The following EXOC1L variants were observed in gnomAD, a reference collection of about 807,000 sequenced individuals.
EXOC1L encodes the protein exocyst complex component 1-like.
EXOC1L carries 10 observed loss-of-function variants against 4.9 expected under a neutral mutation model. That is an observed-to-expected ratio of 2.02 (90% CI 1.25 to 3.43). The LOEUF (loss-of-function observed/expected upper bound fraction) is 3.43, where lower values mean the gene tolerates loss of function less well. Ranked by LOEUF, EXOC1L falls within the 30% of genes most tolerant of loss-of-function variation. The probability of loss-of-function intolerance (pLI) is 0.00; values close to 1 mark genes in which losing one functional copy is unlikely to be tolerated. For synonymous variants in EXOC1L, 41 were observed against 20.8 expected (o/e 1.97, Z -2.63); for missense variants, 114 against 59.4 (o/e 1.92, Z -3.02).
intron 1 of EXOC1L, among the ~76,000 whole-genome samples, chr4:55,829,154 A>T (rs1719961834): frequency 6.6e-6 from 1 of 152,168 alleles, no homozygotes; most frequent in Admixed American, 6.5e-5. Context: ...TTTATCCATG[A>T]CCCACATCCC....
chr4:55,831,857 AC>A (rs1160178758), intron 2 of EXOC1L, among the ~76,000 whole-genome samples: 1 of 152,042 alleles, frequency 6.6e-6, no homozygotes, highest in African/African-American at 2.4e-5. Flanking sequence ...CAGCAAGCCC[AC>A]TTTATCCTCT....
intron 2 of EXOC1L, among the ~76,000 whole-genome samples, chr4:55,832,186 G>T (rs1184134965): frequency 6.6e-6 from 1 of 151,872 alleles, no homozygotes; most frequent in Non-Finnish European, 1.5e-5. Context: ...TGCAATTGTT[G>T]GGTTACTCTG....
intron 1 of EXOC1L, among the ~76,000 whole-genome samples, chr4:55,823,337 C>T (rs1250623851): frequency 6.6e-6 from 1 of 152,148 alleles, no homozygotes; most frequent in African/African-American, 2.4e-5. Flanking sequence ...TTTGGGACCA[C>T]TGCTGCTACA....
chr4:55,827,031 T>C (rs1449084342), intron 1 of EXOC1L, among the ~76,000 whole-genome samples: 4 of 152,222 alleles, frequency 2.6e-5, no homozygotes, highest in Non-Finnish European at 5.9e-5. Context: ...AATAAGTTTC[T>C]GAACCTTAAA....
intron 1 of EXOC1L, among the ~76,000 whole-genome samples, chr4:55,820,694 G>A (rs1560574033): frequency 6.6e-6 from 1 of 152,214 alleles, no homozygotes; most frequent in South Asian, 2.1e-4. Flanking sequence ...CTTATAGGAA[G>A]TGTGCTCACA....
chr4:55,821,473 T>C (rs1433409173), intron 1 of EXOC1L, among the ~76,000 whole-genome samples: 1 of 152,172 alleles, frequency 6.6e-6, no homozygotes, highest in Non-Finnish European at 1.5e-5. Flanking sequence ...TAATTTTGTA[T>C]TTGTTGTAAT....
chr4:55,823,871 A>G (rs1038665431), intron 1 of EXOC1L, among the ~76,000 whole-genome samples: 2 of 152,162 alleles, frequency 1.3e-5, no homozygotes, highest in Admixed American at 1.3e-4. Flanking sequence ...TTTATGACCT[A>G]TAATACTTCC....
chr4:55,823,710 TGTTC>T (rs34737506), intron 1 of EXOC1L, among the ~76,000 whole-genome samples: 43,648 of 146,740 alleles, frequency 0.3, 6,776 homozygotes, highest in Non-Finnish European at 0.36. Context: ...TTTGTTTGTT[TGTTC>T]GTTTGTTTGT....
At chr4:55,828,535 C>T (rs571150364) in intron 1 of EXOC1L, among the ~76,000 whole-genome samples, 4 of 152,234 alleles carry the variant, frequency 2.6e-5, no homozygotes, top group Non-Finnish European at 5.9e-5. Context: ...CTTTTCTCTA[C>T]AAATGTGGTT....
At position 55,822,073 on chromosome 4, in the gene EXOC1L, A is replaced by T. The variant is rs1450673260; in HGVS notation, c.121+1926A>T. Reference sequence around the variant, plus strand: ...GGCCACCTTCAGGGAGTAGAGTCACATTATGATTTCCTCTTTATTCCCTAC... The same window carrying T: ...GGCCACCTTCAGGGAGTAGAGTCACTTTATGATTTCCTCTTTATTCCCTAC... On this transcript the variant is annotated intron_variant, in intron 1 of 2. Coordinates refer to ENST00000636125, the MANE Select transcript of EXOC1L (RefSeq NM_001351574.3). Among the ~76,000 whole-genome samples the T allele has an allele frequency of 4.6e-5, 7 of 152,334 alleles. No homozygotes were observed. In the East Asian group the frequency reaches 1.3e-3, roughly 29 times the overall value.
chr4:55,832,551 G>GTAC (rs1486788651), intron 2 of EXOC1L, among the ~76,000 whole-genome samples: 1 of 152,136 alleles, frequency 6.6e-6, no homozygotes, highest in African/African-American at 2.4e-5. Flanking sequence ...ACTGCTAGTA[G>GTAC]TACTGTTACT....
intron 1 of EXOC1L, among the ~76,000 whole-genome samples, chr4:55,824,273 T>TCACACACACA (rs747727307): frequency 4.5e-4 from 66 of 147,266 alleles, no homozygotes; most frequent in African/African-American, 1.4e-3. Context: ...TCTCTCTCTC[T>TCACACACACA]CACACACACA....
chr4:55,831,982 T>G (rs1720044887), intron 2 of EXOC1L, among the ~76,000 whole-genome samples: 1 of 152,050 alleles, frequency 6.6e-6, no homozygotes, highest in Non-Finnish European at 1.5e-5. Context: ...TGAACTCTGC[T>G]GTTGATGGAG....
chr4:55,833,172 A>C (rs1036937380), intron 2 of EXOC1L, among the ~76,000 whole-genome samples: 1 of 151,930 alleles, frequency 6.6e-6, no homozygotes, highest in African/African-American at 2.4e-5. Context: ...ATATATTATT[A>C]CATATTTATA....
At chr4:55,824,530 T>A (rs1012562550) in intron 1 of EXOC1L, among the ~76,000 whole-genome samples, 1 of 151,948 alleles carries the variant, frequency 6.6e-6, no homozygotes, top group Non-Finnish European at 1.5e-5. Flanking sequence ...GCCTGGCTAA[T>A]TTATTAGTGT....
chr4:55,822,010 G>GT (rs1173578250), intron 1 of EXOC1L, among the ~76,000 whole-genome samples: 1 of 152,186 alleles, frequency 6.6e-6, no homozygotes, highest in Non-Finnish European at 1.5e-5. Context: ...AGATCACATC[G>GT]TAATTGTTGA....
At chr4:55,825,331 G>C (rs1305582284) in intron 1 of EXOC1L, among the ~76,000 whole-genome samples, 2 of 152,134 alleles carry the variant, frequency 1.3e-5, no homozygotes, top group East Asian at 3.9e-4. Context: ...AGTAAGAGTA[G>C]ATGCTTTTCT....
intron 1 of EXOC1L, among the ~76,000 whole-genome samples, chr4:55,830,713 A>C (rs1299786965): frequency 6.6e-6 from 1 of 152,192 alleles, no homozygotes; most frequent in Non-Finnish European, 1.5e-5. Flanking sequence ...TGCAAATAGC[A>C]CATTTTGAAT....
chr4:55,835,238 T>C (rs906769088), intron 2 of EXOC1L, among the ~76,000 whole-genome samples: 3 of 151,188 alleles, frequency 2.0e-5, no homozygotes, highest in Non-Finnish European at 4.4e-5. Context: ...TATTATTATT[T>C]CTTTATCCAC....
Sources: allele counts gnomAD v4.1 joint callset (sites outside exome capture counted in the v4.1 genomes callset), GRCh38; gene constraint gnomAD v4.1.1; transcripts MANE v1.5; gene names NCBI Gene and HGNC (gene_info 2026-07-23, HGNC 2026-07-21).